The following MAGI1 variants were observed in gnomAD, a reference collection of about 807,000 sequenced individuals.
MAGI1 encodes membrane-associated guanylate kinase, WW and PDZ domain-containing protein 1.
In MAGI1, 58 loss-of-function variants were observed where a neutral mutation model predicts 139.9. The ratio of observed to expected loss-of-function variants is 0.41; its 90% CI spans 0.34 to 0.52. The LOEUF is 0.52. MAGI1 is among the 20% of genes least tolerant of loss of function. The pLI, the probability that MAGI1 is intolerant of heterozygous loss-of-function variation, is 0.12. For missense variants in MAGI1, 1,874 were observed against 1,901.6 expected (o/e 0.99, Z 0.27); for synonymous variants, 812 against 737.9 (o/e 1.10, Z -1.63).
At chr3:65,578,858 T>C (rs1275475494) in intron 2 of MAGI1, among the ~76,000 whole-genome samples, 2 of 151,324 alleles carry the variant, frequency 1.3e-5, no homozygotes, top group Non-Finnish European at 2.9e-5. Context: ...GAGATGGAGA[T>C]TGCCACAAGG....
At chr3:65,799,194 C>T (rs934951131) in intron 1 of MAGI1, among the ~76,000 whole-genome samples, 1 of 152,120 alleles carries the variant, frequency 6.6e-6, no homozygotes, top group Non-Finnish European at 1.5e-5. Flanking sequence ...AAAAGAAATT[C>T]GTGCTACTTT....
At chr3:65,500,016 G>A (rs1412046837) in intron 2 of MAGI1, among the ~76,000 whole-genome samples, 4 of 147,460 alleles carry the variant, frequency 2.7e-5, no homozygotes, top group Non-Finnish European at 4.5e-5. Flanking sequence ...ACTTTCAAAA[G>A]TAACTTAGTC....
At chr3:65,855,630 GGGGAA>G (rs2059352794) in intron 1 of MAGI1, among the ~76,000 whole-genome samples, 1 of 115,708 alleles carries the variant, frequency 8.6e-6, no homozygotes, top group Non-Finnish European at 1.8e-5. Context: ...AGAGAGGGGA[GGGGAA>G]GGGAGAAACA....
At chr3:65,777,138 C>A (rs1181085859) in intron 1 of MAGI1, among the ~76,000 whole-genome samples, 1 of 152,182 alleles carries the variant, frequency 6.6e-6, no homozygotes, top group Non-Finnish European at 1.5e-5. Flanking sequence ...AACTCAAAGA[C>A]TTTCTGGATT....
At chr3:65,429,022 G>A (rs1160654211) in intron 12 of MAGI1, among the ~76,000 whole-genome samples, 2 of 152,152 alleles carry the variant, frequency 1.3e-5, no homozygotes, top group African/African-American at 4.8e-5. Flanking sequence ...ATCAGATGGA[G>A]GAGAGGAACA....
intron 1 of MAGI1, among the ~76,000 whole-genome samples, chr3:65,960,470 T>C (rs1485039004): frequency 6.6e-6 from 1 of 152,146 alleles, no homozygotes; most frequent in East Asian, 1.9e-4. Flanking sequence ...GACATCTGAC[T>C]ATAGGGCGGT....
chr3:65,430,559 C>T (rs1485482580), intron 11 of MAGI1, 140 bp downstream of exon 11: 18 of 826,786 alleles, frequency 2.2e-5, no homozygotes, highest in African/African-American at 5.2e-5. Flanking sequence ...GGCTCATTCT[C>T]AAGGTGTTTA....
intron 16 of MAGI1, among the ~76,000 whole-genome samples, chr3:65,381,602 T>C (rs528705384): frequency 6.6e-6 from 1 of 152,290 alleles, no homozygotes; most frequent in East Asian, 1.9e-4. Context: ...GGCTAAGTTC[T>C]GATTTGCAAG....
chr3:65,943,065 T>C (rs1402896857), intron 1 of MAGI1, among the ~76,000 whole-genome samples: 4 of 152,196 alleles, frequency 2.6e-5, no homozygotes, highest in Non-Finnish European at 2.9e-5. Context: ...TGTTTATATA[T>C]AGCAAGTGGT....
At chr3:65,811,580 T>C (rs147910763) in intron 1 of MAGI1, among the ~76,000 whole-genome samples, 1 of 152,236 alleles carries the variant, frequency 6.6e-6, no homozygotes, top group East Asian at 1.9e-4. Context: ...TCAGTCTCTG[T>C]GGGTTCCTGA....
chr3:65,713,274 T>C (rs1186821458), intron 1 of MAGI1, among the ~76,000 whole-genome samples: 1 of 152,090 alleles, frequency 6.6e-6, no homozygotes, highest in African/African-American at 2.4e-5. Context: ...GCCATCACCA[T>C]GGAAACTAGC....
chr3:65,821,498 C>T (rs987871220), intron 1 of MAGI1, among the ~76,000 whole-genome samples: 10 of 152,154 alleles, frequency 6.6e-5, no homozygotes, highest in Non-Finnish European at 1.3e-4. Context: ...AGCCATAACA[C>T]CTGGATATTT....
chr3:65,909,305 A>C (rs1474098816), intron 1 of MAGI1, among the ~76,000 whole-genome samples: 2 of 151,998 alleles, frequency 1.3e-5, no homozygotes, highest in Non-Finnish European at 2.9e-5. Flanking sequence ...CAGGAGGATC[A>C]CTTGAGCCCA....
chr3:65,593,177 CT>C (rs1326398079), intron 2 of MAGI1, among the ~76,000 whole-genome samples: 1 of 144,512 alleles, frequency 6.9e-6, no homozygotes. Context: ...ACTTTTTTGG[CT>C]TCCCTTTCAG....
intron 1 of MAGI1, among the ~76,000 whole-genome samples, chr3:65,878,189 G>A (rs183193170): frequency 3.9e-5 from 6 of 152,042 alleles, no homozygotes; most frequent in East Asian, 3.9e-4. Flanking sequence ...CACCTAACAC[G>A]GTTTCCAGGC....
intron 1 of MAGI1, among the ~76,000 whole-genome samples, chr3:65,876,088 T>C (rs1212720173): frequency 6.7e-6 from 1 of 149,902 alleles, no homozygotes; most frequent in East Asian, 2.0e-4. Flanking sequence ...CTGGAGAGTT[T>C]AGGGAAGAAT....
chr3:65,745,429 A>C (rs1414620303), intron 1 of MAGI1, among the ~76,000 whole-genome samples: 1 of 152,166 alleles, frequency 6.6e-6, no homozygotes, highest in Non-Finnish European at 1.5e-5. Flanking sequence ...ACAAGATCCA[A>C]TCCACTGACA....
chr3:65,548,509 C>CTTTTTTTTT (rs1306099660), intron 2 of MAGI1, among the ~76,000 whole-genome samples: 21 of 117,402 alleles, frequency 1.8e-4, no homozygotes, highest in African/African-American at 4.5e-4. Context: ...GCAAACAACA[C>CTTTTTTTTT]TCTTTTTTTT....
chr3:65,787,283 G>A (rs917990630), intron 1 of MAGI1, among the ~76,000 whole-genome samples: 2 of 151,998 alleles, frequency 1.3e-5, no homozygotes, highest in African/African-American at 4.8e-5. Flanking sequence ...TCATCTTTAA[G>A]ACACCTCGAG....
Sources: allele counts gnomAD v4.1 joint callset (sites outside exome capture counted in the v4.1 genomes callset), GRCh38; gene constraint gnomAD v4.1.1; transcripts MANE v1.5; gene names NCBI Gene and HGNC (gene_info 2026-07-23, HGNC 2026-07-21).